Variants in PCSK2 observed in about 807,000 individuals in gnomAD.
PCSK2 encodes the protein proprotein convertase subtilisin/kexin type 2.
Under a neutral mutation model 69.7 loss-of-function variants are expected in PCSK2, and 14 were observed. The ratio of observed to expected loss-of-function variants is 0.20; its 90% CI spans 0.13 to 0.31. PCSK2 has a LOEUF of 0.31. PCSK2 is among the 10% of genes least tolerant of loss of function. The probability of loss-of-function intolerance (pLI) is 1.00; values close to 1 mark genes in which losing one functional copy is unlikely to be tolerated. For missense variants in PCSK2, 544 were observed against 842.5 expected (o/e 0.65, Z 4.39); for synonymous variants, 307 against 320.7 (o/e 0.96, Z 0.46).
chr20:17,246,533 A>G (rs1986777481), intron 1 of PCSK2, among the ~76,000 whole-genome samples: 1 of 152,212 alleles, frequency 6.6e-6, no homozygotes, highest in Non-Finnish European at 1.5e-5. Flanking sequence ...GGAGAATGTA[A>G]AAGTATGAAC....
intron 2 of PCSK2, among the ~76,000 whole-genome samples, chr20:17,306,350 T>C (rs1186038062): frequency 6.6e-6 from 1 of 152,108 alleles, no homozygotes; most frequent in East Asian, 1.9e-4. Context: ...AAATAAGCCC[T>C]TCGGTGACTG....
intron 2 of PCSK2, among the ~76,000 whole-genome samples, chr20:17,353,085 C>A (rs903322263): frequency 6.6e-6 from 1 of 152,084 alleles, no homozygotes; most frequent in Non-Finnish European, 1.5e-5. Flanking sequence ...ATGAAAAATA[C>A]TCAATATCAC....
chr20:17,459,548 G>A (rs1430676071), intron 10 of PCSK2, among the ~76,000 whole-genome samples: 1 of 152,170 alleles, frequency 6.6e-6, no homozygotes, highest in African/African-American at 2.4e-5. Flanking sequence ...CAGTATATGA[G>A]AATTACAGTT....
chr20:17,247,050 A>G (rs1178865549), intron 1 of PCSK2, among the ~76,000 whole-genome samples: 3 of 152,198 alleles, frequency 2.0e-5, no homozygotes, highest in Non-Finnish European at 2.9e-5. Flanking sequence ...GGCAGATATC[A>G]GTAATGTGCA....
chr20:17,369,102 G>C (rs11696421), intron 4 of PCSK2, 138 bp from the exon 5 acceptor site: 111,852 of 713,648 alleles, frequency 0.16, 9,978 homozygotes, highest in Middle Eastern at 0.24. Context: ...ACTGGGAGCT[G>C]TGTGATGGGG....
In PCSK2 at chr20:17,453,124, T is replaced by G. The variant is rs1433730940; in HGVS notation, c.886-618T>G. On this transcript the variant is annotated intron_variant, in intron 8 of 11. Coordinates refer to ENST00000262545, the MANE Select transcript of PCSK2 (RefSeq NM_002594.5). The surrounding 1 kb of genome is among the most constrained non-coding windows in gnomAD (Gnocchi z 4.0). ...ATCCAATTGAATAAAAAAGAATATA[T>G]ACATATGCACACACACGTAAGATTT... Among the ~76,000 whole-genome samples the G allele has an allele frequency of 6.6e-6, 1 of 152,212 alleles. No homozygotes were observed. The highest frequency in any genetic ancestry group is 1.5e-5 in the Non-Finnish European group (1 of 68,038).
intron 1 of PCSK2, among the ~76,000 whole-genome samples, chr20:17,237,087 G>A (rs966673159): frequency 1.3e-5 from 2 of 152,122 alleles, no homozygotes; most frequent in East Asian, 3.8e-4. Flanking sequence ...TTCAGATTAG[G>A]GTTGAGAGGT....
chr20:17,365,301 C>T (rs985818495), intron 4 of PCSK2, among the ~76,000 whole-genome samples: 1 of 152,076 alleles, frequency 6.6e-6, no homozygotes, highest in Admixed American at 6.5e-5. Context: ...AAAGTACGAA[C>T]CCCATTCATG....
intron 2 of PCSK2, among the ~76,000 whole-genome samples, chr20:17,310,762 C>T (rs527644951): frequency 1.1e-3 from 161 of 151,280 alleles, no homozygotes; most frequent in Admixed American, 2.1e-3. Flanking sequence ...GAGGCCGAGG[C>T]AGGTGGATCA....
intron 5 of PCSK2, among the ~76,000 whole-genome samples, chr20:17,384,054 A>G (rs903875931): frequency 2.6e-5 from 4 of 152,186 alleles, no homozygotes; most frequent in Non-Finnish European, 5.9e-5. Context: ...TGTGAAAAGT[A>G]TACACTCTCA....
intron 2 of PCSK2, among the ~76,000 whole-genome samples, chr20:17,293,071 T>G (rs760611304): frequency 2.0e-5 from 3 of 152,166 alleles, no homozygotes; most frequent in Admixed American, 6.5e-5. Context: ...AGGATCCACC[T>G]GCCTCGGCCT....
intron 2 of PCSK2, among the ~76,000 whole-genome samples, chr20:17,288,515 G>A (rs973684308): frequency 2.6e-5 from 4 of 152,150 alleles, no homozygotes; most frequent in Non-Finnish European, 4.4e-5. Context: ...GGGCTGAATT[G>A]TTTCCCCCCA....
At chr20:17,343,863 C>A (rs1370486507) in intron 2 of PCSK2, among the ~76,000 whole-genome samples, 2 of 152,170 alleles carry the variant, frequency 1.3e-5, no homozygotes, top group Non-Finnish European at 2.9e-5. Flanking sequence ...ATCCCTGCCC[C>A]CTACAAGAGC....
chr20:17,266,935 C>T (rs192873152), intron 2 of PCSK2, among the ~76,000 whole-genome samples: 22 of 152,260 alleles, frequency 1.4e-4, no homozygotes, highest in Admixed American at 8.5e-4. Context: ...TGTGTGAGGG[C>T]CCTAAAGAGG....
At chr20:17,274,084 G>C (rs1398574192) in intron 2 of PCSK2, among the ~76,000 whole-genome samples, 1 of 152,140 alleles carries the variant, frequency 6.6e-6, no homozygotes, top group Non-Finnish European at 1.5e-5. Context: ...AACTGGATTT[G>C]GGGAGCAGTA....
chr20:17,369,629 T>C (rs562624991), intron 5 of PCSK2, among the ~76,000 whole-genome samples: 89 of 152,316 alleles, frequency 5.8e-4, no homozygotes, highest in African/African-American at 2.1e-3. Flanking sequence ...GCATGTGGCC[T>C]GGCAGCAGGC....
At chr20:17,411,055 G>A (rs1179574392) in intron 6 of PCSK2, among the ~76,000 whole-genome samples, 2 of 152,066 alleles carry the variant, frequency 1.3e-5, no homozygotes, top group African/African-American at 4.8e-5. Context: ...ATCTACCCTA[G>A]TCAAATCTTC....
chr20:17,275,689 C>T (rs1248770662), intron 2 of PCSK2, among the ~76,000 whole-genome samples: 1 of 152,156 alleles, frequency 6.6e-6, no homozygotes, highest in Non-Finnish European at 1.5e-5. Flanking sequence ...ATTGGATTTA[C>T]ATTTTCTTTG....
intron 2 of PCSK2, among the ~76,000 whole-genome samples, chr20:17,265,157 T>C (rs1987546432): frequency 6.6e-6 from 1 of 152,176 alleles, no homozygotes; most frequent in African/African-American, 2.4e-5. Context: ...AAATTGAAAA[T>C]GTCACGGAGA....
Sources: allele counts gnomAD v4.1 joint callset (sites outside exome capture counted in the v4.1 genomes callset), GRCh38; gene constraint gnomAD v4.1.1; non-coding constraint Gnocchi (gnomAD v3.1); transcripts MANE v1.5; gene names NCBI Gene and HGNC (gene_info 2026-07-23, HGNC 2026-07-21).